AK8: variants seen among roughly 807,000 people sequenced by gnomAD.
AK8 encodes adenylate kinase 8, also known as ATP-AMP transphosphorylase 8.
AK8 carries 44 observed loss-of-function variants against 54.6 expected under a neutral mutation model. The observed-to-expected ratio is 0.81, with a 90% CI of 0.63 to 1.04. The LOEUF (loss-of-function observed/expected upper bound fraction) is 1.04, where lower values mean the gene tolerates loss of function less well. Ranked by LOEUF, AK8 falls within the 50% of genes least tolerant of loss-of-function variation. AK8 has a pLI of 0.00. For synonymous variants in AK8, 239 were observed against 245.6 expected, an observed-to-expected ratio of 0.97 and a Z score of 0.25; for missense variants, 555 against 613.6, an observed-to-expected ratio of 0.90 and a Z score of 1.01.
chr9:132,873,028 T>C (rs185048726), intron 2 of AK8, among the ~76,000 whole-genome samples: 164 of 152,266 alleles, frequency 1.1e-3, no homozygotes, highest in African/African-American at 3.7e-3. Context: ...TTAGCCAGGA[T>C]GTTCTCGATC....
chr9:132,827,071 G>A lies in AK8; in HGVS notation c.557-17C>T. ...GATAAATCTCTACAAGGAGAGAGGT[G>A]CACAGTTAGAAATGGCCATGCAGGG... On this transcript the variant is annotated splice_polypyrimidine_tract_variant and intron_variant, in intron 7 of 12. Transcript: ENST00000298545. The A allele has an allele frequency of 6.2e-7, 1 of 1,612,518 alleles. No individual in the cohort carries two copies. The highest frequency in any genetic ancestry group is 2.2e-5 in the East Asian group (1 of 44,862).
chr9:132,734,489 A>G (rs1470787878), intron 11 of AK8, among the ~76,000 whole-genome samples: 2 of 152,138 alleles, frequency 1.3e-5, no homozygotes, highest in African/African-American at 2.4e-5. Flanking sequence ...TAACCCCAGC[A>G]CTGTGGAAGG....
At chr9:132,835,890 G>A (rs943107504) in intron 5 of AK8, among the ~76,000 whole-genome samples, 3 of 152,156 alleles carry the variant, frequency 2.0e-5, no homozygotes, top group African/African-American at 4.8e-5. Flanking sequence ...TTGGGAGGCC[G>A]AGGTGGGTGG....
chr9:132,839,777 A>G (rs998075553), intron 5 of AK8, among the ~76,000 whole-genome samples: 1 of 142,834 alleles, frequency 7.0e-6, no homozygotes, highest in South Asian at 2.3e-4. Flanking sequence ...TTATGACAGA[A>G]TACCTGAAAC....
intron 10 of AK8, among the ~76,000 whole-genome samples, chr9:132,795,417 G>A (rs1487324241): frequency 6.6e-6 from 1 of 152,218 alleles, no homozygotes; most frequent in African/African-American, 2.4e-5. Flanking sequence ...AGATTACTGT[G>A]TGAAAGAATT....
At chr9:132,749,262 A>G (rs958809217) in intron 11 of AK8, among the ~76,000 whole-genome samples, 2 of 151,946 alleles carry the variant, frequency 1.3e-5, no homozygotes, top group Non-Finnish European at 2.9e-5. Context: ...CACAACCACC[A>G]TCCCCTATTT....
intron 2 of AK8, among the ~76,000 whole-genome samples, chr9:132,871,918 A>C (rs947567503): frequency 4.6e-5 from 7 of 152,262 alleles, no homozygotes; most frequent in Admixed American, 2.6e-4. Flanking sequence ...TTGAAAATTA[A>C]AGCTGCACAC....
chr9:132,827,093 A>AG (rs1347455235), intron 7 of AK8, 39 bp from the exon 8 acceptor site: 4 of 1,600,700 alleles, frequency 2.5e-6, no homozygotes, highest in Non-Finnish European at 3.4e-6. Context: ...ATGGCCATGC[A>AG]GGGGCCCTGT....
At chr9:132,821,769 G>GTA (rs1302296320) in intron 9 of AK8, among the ~76,000 whole-genome samples, 1 of 102,412 alleles carries the variant, frequency 9.8e-6, no homozygotes, top group African/African-American at 4.2e-5. Context: ...ATACATATAT[G>GTA]TATATGTGTA....
intron 2 of AK8, among the ~76,000 whole-genome samples, chr9:132,867,965 G>A (rs1045243957): frequency 6.6e-6 from 1 of 152,212 alleles, no homozygotes; most frequent in Non-Finnish European, 1.5e-5. Flanking sequence ...GAAATGAAGG[G>A]AACAGCAGTG....
intron 11 of AK8, among the ~76,000 whole-genome samples, chr9:132,761,844 CTTCTT>C (rs1838489280): frequency 6.7e-6 from 1 of 148,612 alleles, no homozygotes; most frequent in Non-Finnish European, 1.5e-5. Context: ...CTCTTTCTTT[CTTCTT>C]TTCTTTTCTT....
intron 11 of AK8, among the ~76,000 whole-genome samples, chr9:132,738,792 C>G (rs114564119): frequency 2.5e-4 from 38 of 149,604 alleles, no homozygotes; most frequent in African/African-American, 5.9e-4. Flanking sequence ...CTCACTCTGC[C>G]CCCCCAGGCT....
At chr9:132,857,588 A>G (rs961413789) in intron 4 of AK8, among the ~76,000 whole-genome samples, 1 of 151,346 alleles carries the variant, frequency 6.6e-6, no homozygotes, top group Non-Finnish European at 1.5e-5. Flanking sequence ...TCCTGACCCC[A>G]GGCACAGCCA....
intron 8 of AK8, among the ~76,000 whole-genome samples, chr9:132,824,335 G>A (rs573082365): frequency 6.6e-6 from 1 of 152,320 alleles, no homozygotes; most frequent in African/African-American, 2.4e-5. Context: ...AGACTGTCCT[G>A]TGCAAACTCA....
intron 10 of AK8, among the ~76,000 whole-genome samples, chr9:132,804,938 C>T (rs530009933): frequency 3.2e-4 from 48 of 152,308 alleles, no homozygotes; most frequent in African/African-American, 1.2e-3. Flanking sequence ...AGAAAGAACC[C>T]GTGTCAGCTC....
At chr9:132,810,410 C>T (rs1285683502) in intron 10 of AK8, among the ~76,000 whole-genome samples, 1 of 152,142 alleles carries the variant, frequency 6.6e-6, no homozygotes, top group East Asian at 1.9e-4. Context: ...TGCGCCTGGA[C>T]CACCTTTGAA....
chr9:132,731,130 T>C (rs888038393), intron 11 of AK8, among the ~76,000 whole-genome samples: 7 of 152,174 alleles, frequency 4.6e-5, no homozygotes, highest in African/African-American at 1.7e-4. Context: ...AATTCTAATG[T>C]CTAAAATCCT....
chr9:132,777,418 A>G (rs1427591311), intron 11 of AK8, among the ~76,000 whole-genome samples: 3 of 152,100 alleles, frequency 2.0e-5, no homozygotes, highest in Middle Eastern at 3.2e-3. Context: ...GTAGAAGTAG[A>G]TCAGAGACGA....
chr9:132,766,637 G>GAA (rs558196057), intron 11 of AK8, among the ~76,000 whole-genome samples: 1 of 146,504 alleles, frequency 6.8e-6, no homozygotes, highest in East Asian at 2.0e-4. Context: ...CACAGAAATA[G>GAA]AAAAAAAAAA....
Sources: gnomAD v4.1 joint callset for allele counts (sites outside exome capture counted in the v4.1 genomes callset) on GRCh38, gnomAD v4.1.1 for gene constraint, MANE v1.5 for transcripts, NCBI Gene and HGNC (gene_info 2026-07-23, HGNC 2026-07-21) for gene names.